EPHA7: variants seen among roughly 807,000 people sequenced by gnomAD.
The protein encoded by EPHA7 is ephrin type-A receptor 7.
EPHA7 carries 25 observed loss-of-function variants against 112.6 expected under a neutral mutation model. The observed-to-expected ratio is 0.22, with a 90% CI of 0.16 to 0.31. The LOEUF is 0.31. EPHA7 is among the 10% of genes least tolerant of loss of function. The pLI, the probability that EPHA7 is intolerant of heterozygous loss-of-function variation, is 1.00. For missense variants in EPHA7, 962 were observed against 1,212.6 expected, an observed-to-expected ratio of 0.79 and a Z score of 3.07; for synonymous variants, 437 against 406.5, an observed-to-expected ratio of 1.07 and a Z score of -0.90.
intron 5 of EPHA7, among the ~76,000 whole-genome samples, chr6:93,347,580 A>G (rs1775463736): frequency 6.6e-6 from 1 of 151,918 alleles, no homozygotes. Context: ...AGGGATGAGT[A>G]TTAGTCTGCA....
intron 7 of EPHA7, among the ~76,000 whole-genome samples, chr6:93,268,789 G>A (rs761997432): frequency 2.0e-5 from 3 of 151,610 alleles, no homozygotes; most frequent in Non-Finnish European, 2.9e-5. Context: ...TAATCTTGTT[G>A]CATTGTAAAA....
intron 5 of EPHA7, among the ~76,000 whole-genome samples, chr6:93,344,387 CAAAACAAGGAG>C (rs1775289031): frequency 6.6e-6 from 1 of 151,238 alleles, no homozygotes; most frequent in African/African-American, 2.4e-5. Flanking sequence ...GATGAGATGT[CAAAACAAGGAG>C]AAAACAAGGT....
At chr6:93,279,563 TGTTAAAACTCCTTTAGAG>T (rs1261788314) in intron 5 of EPHA7, among the ~76,000 whole-genome samples, 1 of 152,132 alleles carries the variant, frequency 6.6e-6, no homozygotes, top group East Asian at 1.9e-4. Context: ...ATGTGGCAAT[TGTTAAAACTCCTTTAGAG>T]GTTTTGCTTT....
intron 5 of EPHA7, among the ~76,000 whole-genome samples, chr6:93,309,465 A>ATTTTT (rs1773421945): frequency 6.6e-6 from 1 of 152,132 alleles, no homozygotes; most frequent in African/African-American, 2.4e-5. Flanking sequence ...CAGCACTTAT[A>ATTTTT]ATCATAATTA....
At chr6:93,250,559 G>A (rs1770161980) in intron 14 of EPHA7, among the ~76,000 whole-genome samples, 1 of 152,064 alleles carries the variant, frequency 6.6e-6, no homozygotes, top group African/African-American at 2.4e-5. Flanking sequence ...ATTTGACGTA[G>A]GCCACAGACC....
intron 5 of EPHA7, among the ~76,000 whole-genome samples, chr6:93,317,772 T>C (rs530512934): frequency 1.3e-5 from 2 of 152,226 alleles, no homozygotes; most frequent in South Asian, 4.2e-4. Flanking sequence ...CTTGGTTGTG[T>C]CTAGCACCTA....
At chr6:93,308,232 C>T (rs993748000) in intron 5 of EPHA7, among the ~76,000 whole-genome samples, 1 of 151,834 alleles carries the variant, frequency 6.6e-6, no homozygotes, top group Admixed American at 6.6e-5. Flanking sequence ...TGTCAGCATC[C>T]CCTCTTGCTC....
chr6:93,383,024 G>A (rs1175168115), intron 3 of EPHA7, among the ~76,000 whole-genome samples: 1 of 151,978 alleles, frequency 6.6e-6, no homozygotes, highest in Non-Finnish European at 1.5e-5. Flanking sequence ...TTAAGAGCCC[G>A]ATGTTAAGAG....
chr6:93,243,515 G>A lies in EPHA7; in HGVS notation c.2908C>T (p.Leu970=), dbSNP rs1036913776. 2 of 1,613,254 alleles carry A rather than the reference G, an allele frequency of 1.2e-6. No homozygotes were observed. Among genetic ancestry groups the A allele is most frequent in the African/African-American group, 1.3e-5 (1 of 74,902 alleles). ...IEDVMSLGIT[L]VGHQKKIMSS... ...ATGATTTTCTTTTGATGACCAACCA[G>A]TGTGATCCCTAAACTCATCACATCC... is the stretch of plus-strand genomic sequence containing the variant. Residue 970 remains leucine, a synonymous_variant, in exon 17 of 17, where the codon CTG becomes TTG. Transcript: ENST00000369303.
rs150788624 is a variant in EPHA7, at chr6:93,385,596, A to T, written c.832+24905T>A. On this transcript the variant is annotated intron_variant, in intron 3 of 16. Coordinates refer to ENST00000369303, the MANE Select transcript of EPHA7 (RefSeq NM_004440.4). ...AGTACTTGCACCCCACTTATTAATG[A>T]GACTGAAGAATGAGACAATGATGGG... Among the ~76,000 whole-genome samples the T allele has an allele frequency of 2.8e-3, 433 of 152,180 alleles. 6 individuals are homozygous for T. Among genetic ancestry groups the T allele is most frequent in the African/African-American group, 0.01 (424 of 41,558 alleles).
At chr6:93,372,401 G>T (rs1582617547) in intron 3 of EPHA7, among the ~76,000 whole-genome samples, 1 of 152,010 alleles carries the variant, frequency 6.6e-6, no homozygotes, top group Admixed American at 6.5e-5. Flanking sequence ...TGATTATTTT[G>T]CAGTTTAAGT....
At position 93,382,178 on chromosome 6, in the gene EPHA7, T is replaced by C. The variant is rs146236587; in HGVS notation, c.833-23767A>G. Among the ~76,000 whole-genome samples the C allele has an allele frequency of 2.6e-5, 4 of 152,254 alleles. No homozygotes were observed. The East Asian group carries it at 7.7e-4, about 29-fold the overall frequency. On this transcript the variant is annotated intron_variant, in intron 3 of 16. Transcript: ENST00000369303. ...TGTAGACGAGTGGTCCCCAACCCTT[T>C]TGGTACCAGGGACTGGTTTTGCGGA...
intron 14 of EPHA7, 56 bp downstream of exon 14, chr6:93,254,591 T>A (rs1192354879): frequency 6.8e-7 from 1 of 1,460,466 alleles, no homozygotes. Flanking sequence ...CATGTTCCAG[T>A]AATACTGGCC....
intron 9 of EPHA7, among the ~76,000 whole-genome samples, chr6:93,263,623 G>A (rs1770790654): frequency 6.6e-6 from 1 of 151,430 alleles, no homozygotes; most frequent in South Asian, 2.1e-4. Context: ...ACATTGTGAT[G>A]TAAAAGCAGC....
chr6:93,369,677 T>C (rs1776689327), intron 3 of EPHA7, among the ~76,000 whole-genome samples: 1 of 152,204 alleles, frequency 6.6e-6, no homozygotes, highest in Admixed American at 6.5e-5. Context: ...GCATGTGTCC[T>C]CTAACTCACC....
intron 1 of EPHA7, among the ~76,000 whole-genome samples, chr6:93,418,534 C>T (rs1349977300): frequency 6.6e-6 from 1 of 152,244 alleles, no homozygotes; most frequent in Non-Finnish European, 1.5e-5. Context: ...ACCAAGCCCG[C>T]TGGGCTGCCG....
At chr6:93,271,802 G>A (rs1322778291) in intron 6 of EPHA7, among the ~76,000 whole-genome samples, 1 of 151,672 alleles carries the variant, frequency 6.6e-6, no homozygotes, top group Non-Finnish European at 1.5e-5. Flanking sequence ...TTAAAGGAGT[G>A]AAATAACATC....
chr6:93,358,573 T>A (rs1357174566), intron 3 of EPHA7, among the ~76,000 whole-genome samples, 162 bp from the exon 4 acceptor site: 1 of 152,222 alleles, frequency 6.6e-6, no homozygotes, highest in African/African-American at 2.4e-5. Flanking sequence ...AGCCAAATGT[T>A]ATGATAGTTC....
At chr6:93,289,446 C>T (rs867898506) in intron 5 of EPHA7, among the ~76,000 whole-genome samples, 3 of 151,010 alleles carry the variant, frequency 2.0e-5, no homozygotes, top group South Asian at 2.1e-4. Context: ...GGTGAAATCC[C>T]GTCTCTACTA....
Sources: allele counts gnomAD v4.1 joint callset (sites outside exome capture counted in the v4.1 genomes callset), GRCh38; gene constraint gnomAD v4.1.1; transcripts MANE v1.5; gene names NCBI Gene and HGNC (gene_info 2026-07-23, HGNC 2026-07-21).